The following BMP6 variants were observed in gnomAD, a reference collection of about 807,000 sequenced individuals.
BMP6 encodes bone morphogenetic protein 6.
In BMP6, 17 loss-of-function variants were observed where a neutral mutation model predicts 54.1. The ratio of observed to expected loss-of-function variants is 0.31; its 90% CI spans 0.22 to 0.47. The LOEUF (loss-of-function observed/expected upper bound fraction) is 0.47. Ranked by LOEUF, BMP6 falls within the 20% of genes least tolerant of loss-of-function variation. BMP6 has a pLI of 1.00. For synonymous variants in BMP6, 328 were observed against 291.2 expected (o/e 1.13, Z -1.28); for missense variants, 720 against 690.4 (o/e 1.04, Z -0.48).
chr6:7,729,308 C>T (rs1216398798), intron 1 of BMP6, among the ~76,000 whole-genome samples: 3 of 152,140 alleles, frequency 2.0e-5, no homozygotes, highest in Non-Finnish European at 2.9e-5. Flanking sequence ...CTCTCCTCTC[C>T]TTCCACCCTC....
At chr6:7,856,595 A>ATCTTTTTTTTTTTTTTTTTT (rs1759237043) in intron 2 of BMP6, among the ~76,000 whole-genome samples, 1 of 83,116 alleles carries the variant, frequency 1.2e-5, no homozygotes, top group African/African-American at 5.2e-5. Context: ...TATCAAGAGC[A>ATCTTTTTTTTTTTTTTTTTT]TTTTTTTTTT....
chr6:7,790,716 A>AT (rs1462880727), intron 1 of BMP6, among the ~76,000 whole-genome samples: 1 of 152,048 alleles, frequency 6.6e-6, no homozygotes, highest in Non-Finnish European at 1.5e-5. Context: ...ATGGTCCTTG[A>AT]GGCTTTTGTA....
intron 1 of BMP6, among the ~76,000 whole-genome samples, chr6:7,754,466 C>G (rs1561760532): frequency 6.6e-6 from 1 of 152,140 alleles, no homozygotes; most frequent in Admixed American, 6.5e-5. Flanking sequence ...GTTGAAATCT[C>G]CAACTATAAT....
intron 2 of BMP6, among the ~76,000 whole-genome samples, chr6:7,858,038 C>T (rs1217052491): frequency 2.0e-5 from 3 of 152,154 alleles, no homozygotes. Flanking sequence ...TTCCTGCACG[C>T]ACTCTCATAC....
intron 4 of BMP6, among the ~76,000 whole-genome samples, chr6:7,873,405 G>C (rs1275499859): frequency 6.6e-6 from 1 of 152,196 alleles, no homozygotes; most frequent in Admixed American, 6.5e-5. Flanking sequence ...CAAGGGGATA[G>C]GCATGGGTGG....
intron 4 of BMP6, among the ~76,000 whole-genome samples, chr6:7,875,903 C>T (rs964563952): frequency 6.6e-6 from 1 of 152,148 alleles, no homozygotes; most frequent in Non-Finnish European, 1.5e-5. Context: ...TGGTCATCAC[C>T]CTAGACACTG....
intron 1 of BMP6, among the ~76,000 whole-genome samples, chr6:7,789,011 A>G (rs905323509): frequency 6.6e-6 from 1 of 152,158 alleles, no homozygotes. Flanking sequence ...TTGACAACTA[A>G]TTGTATGTGT....
intron 1 of BMP6, among the ~76,000 whole-genome samples, chr6:7,768,022 G>T (rs1258971089): frequency 1.3e-5 from 2 of 152,094 alleles, no homozygotes; most frequent in Non-Finnish European, 2.9e-5. Flanking sequence ...CTCCCCGCTT[G>T]GGTGGGACAG....
At chr6:7,859,346 A>T (rs966552397) in intron 2 of BMP6, among the ~76,000 whole-genome samples, 1 of 151,782 alleles carries the variant, frequency 6.6e-6, no homozygotes, top group Non-Finnish European at 1.5e-5. Flanking sequence ...TATCCTTATT[A>T]TAAGTCTTTA....
chr6:7,853,197 A>T (rs1759173097), intron 2 of BMP6, among the ~76,000 whole-genome samples: 1 of 152,126 alleles, frequency 6.6e-6, no homozygotes, highest in Non-Finnish European at 1.5e-5. Flanking sequence ...AGAACTTCAA[A>T]CAAGTGTGTT....
chr6:7,794,327 A>G (rs151312496), intron 1 of BMP6, among the ~76,000 whole-genome samples: 58 of 152,262 alleles, frequency 3.8e-4, no homozygotes, highest in African/African-American at 1.4e-3. Flanking sequence ...CCAAATAGAA[A>G]AGTGTCATGG....
chr6:7,766,830 A>G (rs532150632), intron 1 of BMP6, among the ~76,000 whole-genome samples: 28 of 152,152 alleles, frequency 1.8e-4, no homozygotes, highest in Non-Finnish European at 1.5e-4. Flanking sequence ...TGGTGAATTT[A>G]TTGCTCTATT....
chr6:7,878,451 C>T (rs1478087020), intron 4 of BMP6, among the ~76,000 whole-genome samples: 2 of 152,104 alleles, frequency 1.3e-5, no homozygotes, highest in Non-Finnish European at 2.9e-5. Context: ...AGCAGAGTCT[C>T]CTGAGGAACC....
At chr6:7,847,968 A>G (rs796441444) in intron 2 of BMP6, among the ~76,000 whole-genome samples, 5 of 152,362 alleles carry the variant, frequency 3.3e-5, no homozygotes, top group African/African-American at 9.6e-5. Flanking sequence ...AGCAACTCAT[A>G]GATTAGAATG....
At chr6:7,730,774 T>C (rs892000348) in intron 1 of BMP6, among the ~76,000 whole-genome samples, 1 of 152,212 alleles carries the variant, frequency 6.6e-6, no homozygotes, top group African/African-American at 2.4e-5. Context: ...GTCAATGCCA[T>C]GTTAACTGCC....
intron 1 of BMP6, among the ~76,000 whole-genome samples, chr6:7,799,650 G>C (rs973964789): frequency 2.0e-5 from 3 of 151,212 alleles, no homozygotes; most frequent in Non-Finnish European, 4.4e-5. Context: ...TCACCGCTCA[G>C]CTTACTTTAA....
At chr6:7,780,597 C>A (rs1757928474) in intron 1 of BMP6, among the ~76,000 whole-genome samples, 2 of 151,454 alleles carry the variant, frequency 1.3e-5, no homozygotes, top group African/African-American at 4.8e-5. Context: ...TTCTTTTAAT[C>A]CTTGACTTAA....
intron 1 of BMP6, among the ~76,000 whole-genome samples, chr6:7,834,413 A>G (rs929145450): frequency 6.6e-6 from 1 of 152,162 alleles, no homozygotes; most frequent in East Asian, 1.9e-4. Flanking sequence ...ATGCAAGACA[A>G]TAATATAGAA....
At chr6:7,729,647 G>A (rs892986228) in intron 1 of BMP6, among the ~76,000 whole-genome samples, 8 of 152,108 alleles carry the variant, frequency 5.3e-5, no homozygotes, top group African/African-American at 1.9e-4. Context: ...TTTCTAATAT[G>A]CTACCGTGGT....
Sources: allele counts gnomAD v4.1 joint callset (sites outside exome capture counted in the v4.1 genomes callset), GRCh38; gene constraint gnomAD v4.1.1; transcripts MANE v1.5; gene names NCBI Gene and HGNC (gene_info 2026-07-23, HGNC 2026-07-21).